Variants in LITAF observed in about 807,000 individuals in gnomAD.
The protein encoded by LITAF is lipopolysaccharide-induced tumor necrosis factor-alpha factor.
In LITAF, 9 loss-of-function variants were observed where a neutral mutation model predicts 14.5. The ratio of observed to expected loss-of-function variants is 0.62; its 90% confidence interval spans 0.37 to 1.08. The LOEUF is 1.08. Among genes scored for constraint, LITAF ranks in the 50% least tolerant of loss-of-function variants. The pLI, the probability that LITAF is intolerant of heterozygous loss-of-function variation, is 0.01. For synonymous variants in LITAF, 98 were observed against 88.2 expected (o/e 1.11, Z -0.62); for missense variants, 206 against 213.4 (o/e 0.97, Z 0.22).
chr16:11,556,843 T>C, intron 1 of LITAF, 108 bp from the exon 2 acceptor site: 2 of 968,582 alleles, frequency 2.1e-6, no homozygotes, highest in Admixed American at 2.0e-5. Context: ...TCTGAGAAAA[T>C]GACTTCCATC....
chr16:11,608,939 ACT>A (rs1250262740), intron 3 of LITAF, among the ~76,000 whole-genome samples: 3 of 150,740 alleles, frequency 2.0e-5, no homozygotes, highest in South Asian at 2.1e-4. Context: ...ACAGAGTGAG[ACT>A]CTGTCTCACA....
intron 3 of LITAF, among the ~76,000 whole-genome samples, chr16:11,619,375 C>T (rs892556554): frequency 2.6e-5 from 4 of 152,062 alleles, no homozygotes; most frequent in African/African-American, 4.8e-5. Flanking sequence ...CTCCACATGG[C>T]ATGATGAGGC....
chr16:11,596,264 T>A (rs139418039), intron 1 of LITAF, among the ~76,000 whole-genome samples: 400 of 152,180 alleles, frequency 2.6e-3, no homozygotes, highest in African/African-American at 9.0e-3. Flanking sequence ...CCGGGTTACC[T>A]GCTTCAGGGC....
intron 2 of LITAF, among the ~76,000 whole-genome samples, chr16:11,554,837 T>C (rs1354164097): frequency 6.9e-6 from 1 of 145,586 alleles, no homozygotes; most frequent in Non-Finnish European, 1.5e-5. Context: ...ATGAAAATCA[T>C]CAAGCACTTC....
chr16:11,612,604 T>C (rs928070623), intron 3 of LITAF, among the ~76,000 whole-genome samples: 2 of 152,036 alleles, frequency 1.3e-5, no homozygotes, highest in Non-Finnish European at 2.9e-5. Context: ...AGAACCTGGA[T>C]GGAAAGTTAA....
At chr16:11,633,840 C>G (rs377540493) in intron 2 of LITAF, among the ~76,000 whole-genome samples, 1 of 152,154 alleles carries the variant, frequency 6.6e-6, no homozygotes, top group Non-Finnish European at 1.5e-5. Context: ...GCACGAGACC[C>G]AAGAACCCTC....
At chr16:11,573,683 G>C (rs540149024) in intron 1 of LITAF, among the ~76,000 whole-genome samples, 4 of 149,916 alleles carry the variant, frequency 2.7e-5, no homozygotes, top group African/African-American at 9.8e-5. Flanking sequence ...TTTGTGTATG[G>C]TGAGAGAAGA....
chr16:11,558,627 A>T lies in LITAF; in HGVS notation c.-5-1892T>A, dbSNP rs1007057266. 1.3e-5 allele frequency among the ~76,000 whole-genome samples: 2 copies of T among 151,860 alleles called. No individual in the cohort carries two copies. Among genetic ancestry groups the T allele is most frequent in the African/African-American group, 4.8e-5 (2 of 41,368 alleles). On this transcript the variant is annotated intron_variant, in intron 1 of 3. Coordinates refer to ENST00000622633, the MANE Select transcript of LITAF (RefSeq NM_001136472.2). The surrounding 1 kb of genome is among the most constrained non-coding windows in gnomAD (Gnocchi z 4.1). Reference sequence around the variant, plus strand: ...GGAGGCTGAGGCAGGAGGATTGCTTAATCCTAGGAGGTTGAGGCTGCAGTG... The same window carrying T: ...GGAGGCTGAGGCAGGAGGATTGCTTTATCCTAGGAGGTTGAGGCTGCAGTG...
At chr16:11,557,396 C>A (rs761154818) in intron 1 of LITAF, among the ~76,000 whole-genome samples, 14 of 152,124 alleles carry the variant, frequency 9.2e-5, no homozygotes, top group Non-Finnish European at 1.8e-4. Flanking sequence ...CTGTAAAAAT[C>A]TCAGTTGTAC....
intron 3 of LITAF, among the ~76,000 whole-genome samples, chr16:11,552,343 C>T (rs576892732): frequency 1.4e-4 from 22 of 152,190 alleles, no homozygotes; most frequent in Non-Finnish European, 2.2e-4. Flanking sequence ...AAACTGTTAT[C>T]TCTTTAAACA....
At chr16:11,613,026 AT>A (rs371049299) in intron 3 of LITAF, among the ~76,000 whole-genome samples, 37 of 151,444 alleles carry the variant, frequency 2.4e-4, no homozygotes, top group African/African-American at 7.5e-4. Context: ...TTTTCTTTGG[AT>A]TTTTTTTTAT....
rs942121598 is a variant in LITAF at position 11,548,189 on chromosome 16, A to C, written c.*1448T>G. ...CTCAAGGTCTAGGTTTTATTTCTAC[A>C]TAGTAGTATTCACATGAGTTCCCTA... On this transcript the variant is annotated 3_prime_UTR_variant, in exon 4 of 4. Transcript: ENST00000622633. 2 of 454,036 alleles carry C rather than the reference A, an allele frequency of 4.4e-6. No individual in the cohort carries two copies. Among genetic ancestry groups the C allele is most frequent in the African/African-American group, 2.0e-5 (1 of 50,018 alleles). 28.1% of individuals were successfully genotyped at this position (454,036 alleles called of 1,614,324 possible).
intron 1 of LITAF, chr16:11,584,467 G>A (rs1394309292): frequency 1.3e-5 from 2 of 152,134 alleles, no homozygotes; most frequent in Non-Finnish European, 2.9e-5. Context: ...ATTAACTTGG[G>A]CTGGAAACGC....
At chr16:11,560,761 C>G (rs1256365954) in intron 1 of LITAF, among the ~76,000 whole-genome samples, 1 of 152,112 alleles carries the variant, frequency 6.6e-6, no homozygotes, top group Non-Finnish European at 1.5e-5. Flanking sequence ...GAGCAAGAAG[C>G]AAAGTAGAGA....
At chr16:11,573,351 A>G (rs546434900) in intron 1 of LITAF, among the ~76,000 whole-genome samples, 1 of 152,208 alleles carries the variant, frequency 6.6e-6, no homozygotes. Context: ...CTGGGTATCG[A>G]TAAACTGAGG....
intron 1 of LITAF, among the ~76,000 whole-genome samples, chr16:11,567,060 A>G (rs1430066400): frequency 2.0e-5 from 3 of 152,166 alleles, no homozygotes; most frequent in Non-Finnish European, 2.9e-5. Context: ...TCCTGGGGGC[A>G]GTGTATTGTT....
At chr16:11,563,958 G>C (rs964235895) in intron 1 of LITAF, among the ~76,000 whole-genome samples, 2 of 152,054 alleles carry the variant, frequency 1.3e-5, no homozygotes, top group East Asian at 3.9e-4. Flanking sequence ...CCAGGCTGGA[G>C]TGTAGTGGCA....
intron 1 of LITAF, among the ~76,000 whole-genome samples, chr16:11,565,592 C>T (rs915372186): frequency 5.3e-5 from 8 of 151,982 alleles, no homozygotes; most frequent in African/African-American, 1.9e-4. Flanking sequence ...AAAATCAAGC[C>T]ACGTGGGTCT....
At chr16:11,615,892 T>G (rs1252126893) in intron 3 of LITAF, among the ~76,000 whole-genome samples, 1 of 152,004 alleles carries the variant, frequency 6.6e-6, no homozygotes, top group African/African-American at 2.4e-5. Context: ...TTGGAATGCT[T>G]AGAGGGTTAG....
Sources: gnomAD v4.1 joint callset for allele counts (sites outside exome capture counted in the v4.1 genomes callset) on GRCh38, gnomAD v4.1.1 for gene constraint, Gnocchi (gnomAD v3.1) non-coding constraint, MANE v1.5 for transcripts, NCBI Gene and HGNC (gene_info 2026-07-23, HGNC 2026-07-21) for gene names.